NME7: variants seen among roughly 807,000 people sequenced by gnomAD.
NME7 encodes the protein nucleoside diphosphate kinase 7.
A neutral mutation model predicts 49.1 loss-of-function variants in NME7; 41 were observed. The observed-to-expected ratio is 0.83, with a 90% confidence interval of 0.65 to 1.08. The LOEUF (loss-of-function observed/expected upper bound fraction) is 1.08, where lower values mean the gene tolerates loss of function less well. Ranked by LOEUF, NME7 falls within the 50% of genes least tolerant of loss-of-function variation. The pLI, the probability that NME7 is intolerant of heterozygous loss-of-function variation, is 0.00. For missense variants in NME7, 423 were observed against 463.4 expected (o/e 0.91, Z 0.80); for synonymous variants, 139 against 150.6 (o/e 0.92, Z 0.56).
chr1:169,350,847 T>C (rs2101975289), intron 1 of NME7, among the ~76,000 whole-genome samples: 1 of 152,256 alleles, frequency 6.6e-6, no homozygotes, highest in East Asian at 1.9e-4. Flanking sequence ...GCACATCACA[T>C]GTAAATGGGA....
chr1:169,302,463 A>C (rs1650987353), intron 5 of NME7: 1 of 152,212 alleles, frequency 6.6e-6, no homozygotes, highest in South Asian at 2.1e-4. Context: ...AACAACATGA[A>C]TGGAGATGGA....
At chr1:169,304,766 C>T (rs940300865) in intron 4 of NME7, among the ~76,000 whole-genome samples, 2 of 152,176 alleles carry the variant, frequency 1.3e-5, no homozygotes, top group Non-Finnish European at 2.9e-5. Context: ...GAACCCAAAG[C>T]TCTCTGATTG....
chr1:169,216,162 G>A (rs531199170), intron 10 of NME7, among the ~76,000 whole-genome samples: 1 of 152,332 alleles, frequency 6.6e-6, no homozygotes, highest in South Asian at 2.1e-4. Context: ...AATCTTCAAA[G>A]TGATAAGTAC....
chr1:169,246,910 C>T lies in NME7; in HGVS notation c.755-9223G>A, dbSNP rs920842340. On this transcript the variant is annotated intron_variant, in intron 7 of 11. Transcript: ENST00000367811. The stretch of plus-strand genomic sequence containing the variant: ...AACAACACCTTTGTAGATATACCTA[C>T]AATATGGTGACTTTGTGTACTGAAA... The T allele has an allele frequency of 7.2e-6, 3 of 416,550 alleles. No homozygotes were observed. In the Admixed American group the frequency reaches 8.4e-5, roughly 12 times the overall value. 25.8% of individuals were successfully genotyped at this position (416,550 alleles called of 1,614,324 possible).
At chr1:169,281,367 T>C (rs1650005807) in intron 7 of NME7, among the ~76,000 whole-genome samples, 1 of 152,068 alleles carries the variant, frequency 6.6e-6, no homozygotes, top group Non-Finnish European at 1.5e-5. Context: ...GACAATGGGG[T>C]TTTCTAAATA....
Position 169,254,688 on chromosome 1 carries a change from C to G in NME7, c.755-17001G>C, listed in dbSNP as rs1256500563. The stretch of plus-strand genomic sequence containing the variant: ...CAATTTTGGATCTTTCCTGCTTTCT[C>G]TTGTGGCCATTTAGTGCTATAAATT... On this transcript the variant is annotated intron_variant, in intron 7 of 11. Transcript: ENST00000367811. Among the ~76,000 whole-genome samples the G allele has an allele frequency of 7.6e-5, 11 of 145,448 alleles. No individual in the cohort carries two copies. In the East Asian group the frequency reaches 2.8e-3, roughly 37 times the overall value.
At chr1:169,237,509 C>A (rs1647905161) in intron 8 of NME7, 114 bp downstream of exon 8, 4 of 700,872 alleles carry the variant, frequency 5.7e-6, no homozygotes, top group Middle Eastern at 3.9e-4. Context: ...GTAAGTATGT[C>A]TTTTATTTTT....
In NME7 at chr1:169,308,177, C is replaced by T. The variant is rs1651251629; in HGVS notation, c.389+1793G>A. Among the ~76,000 whole-genome samples the T allele has an allele frequency of 2.0e-5, 3 of 152,052 alleles. No homozygotes were observed. In the South Asian group the frequency reaches 6.2e-4, roughly 32 times the overall value. On this transcript the variant is annotated intron_variant, in intron 4 of 11. Coordinates refer to ENST00000367811, the MANE Select transcript of NME7 (RefSeq NM_013330.5). ...CCTGTCTCTCTAGAAAATATGTAAA[C>T]TAGGAGATCATACATAAGGGAAAAA...
chr1:169,245,584 C>T (rs114515064), intron 7 of NME7, among the ~76,000 whole-genome samples: 2,950 of 152,120 alleles, frequency 0.019, 47 homozygotes, highest in South Asian at 0.039. Context: ...CAAGAGTACA[C>T]GAACTAATAA....
intron 7 of NME7, among the ~76,000 whole-genome samples, chr1:169,239,852 G>A (rs1483543018): frequency 6.6e-6 from 1 of 151,954 alleles, no homozygotes; most frequent in African/African-American, 2.4e-5. Flanking sequence ...TCATCTTACT[G>A]AATAATAGAG....
chr1:169,311,416 C>CAAAAAAA (rs34576386), intron 3 of NME7, among the ~76,000 whole-genome samples: 13 of 83,566 alleles, frequency 1.6e-4, no homozygotes, highest in Middle Eastern at 8.1e-3. Context: ...GACTCCATCT[C>CAAAAAAA]AAAAAAAAAA....
intron 10 of NME7, among the ~76,000 whole-genome samples, chr1:169,175,841 A>G (rs138680825): frequency 9.9e-5 from 15 of 152,278 alleles, no homozygotes; most frequent in African/African-American, 3.6e-4. Flanking sequence ...TAGTAACCCT[A>G]AAACAGCTGT....
At chr1:169,354,127 T>C (rs79665254) in intron 1 of NME7, among the ~76,000 whole-genome samples, 2,958 of 151,992 alleles carry the variant, frequency 0.019, 47 homozygotes, top group South Asian at 0.039. Context: ...TTGACAACAG[T>C]CAAAATTTGG....
chr1:169,132,629 T>TAACA lies in NME7; in HGVS notation c.*152_*155dup, dbSNP rs1470617754. 6 of 629,014 alleles carry TAACA rather than the reference T, an allele frequency of 9.5e-6. No individual in the cohort carries two copies. Among genetic ancestry groups the TAACA allele is most frequent in the African/African-American group, 1.9e-5 (1 of 53,198 alleles). The allele number at this position is 629,014 out of a possible 1,614,324, so 39.0% of individuals were successfully genotyped here. A position where few individuals can be genotyped will look rare whatever the true frequency, so the allele number is the denominator to read the frequency against. ...TGTCTACAGTGCAAAATCCATGTTCTAACATATGTAATAATTGCCAGGAGT... is the reference window on the plus strand; with the variant it reads ...TGTCTACAGTGCAAAATCCATGTTCTAACAAACATATGTAATAATTGCCAGGAGT... On this transcript the variant is annotated 3_prime_UTR_variant, in exon 12 of 12. Coordinates refer to ENST00000367811, the MANE Select transcript of NME7 (RefSeq NM_013330.5).
At chr1:169,258,547 A>T (rs1295830628) in intron 7 of NME7, among the ~76,000 whole-genome samples, 1 of 128,442 alleles carries the variant, frequency 7.8e-6, no homozygotes, top group Non-Finnish European at 1.8e-5. Flanking sequence ...GGAAATTCAC[A>T]AATTTAGACA....
chr1:169,336,130 G>A (rs188490539), intron 1 of NME7, among the ~76,000 whole-genome samples: 2 of 151,788 alleles, frequency 1.3e-5, no homozygotes, highest in African/African-American at 4.8e-5. Context: ...AGACCTTTGC[G>A]GTGAGTGTTA....
intron 10 of NME7, among the ~76,000 whole-genome samples, chr1:169,222,647 G>A (rs538431264): frequency 7.0e-4 from 107 of 152,258 alleles, no homozygotes; most frequent in Non-Finnish European, 1.2e-3. Flanking sequence ...GGACTATGGC[G>A]AGGAGAGGAA....
intron 7 of NME7, among the ~76,000 whole-genome samples, chr1:169,238,422 G>C (rs1647948030): frequency 6.7e-6 from 1 of 148,688 alleles, no homozygotes; most frequent in Non-Finnish European, 1.5e-5. Flanking sequence ...AAAAGTCTAA[G>C]TTTCTTTTTT....
chr1:169,249,141 G>C (rs777415603), intron 7 of NME7, among the ~76,000 whole-genome samples: 13 of 152,044 alleles, frequency 8.6e-5, no homozygotes, highest in Non-Finnish European at 1.5e-4. Context: ...CCATTTGTTT[G>C]TGTCATCTAT....
Sources: gnomAD v4.1 joint callset for allele counts (sites outside exome capture counted in the v4.1 genomes callset) on GRCh38, gnomAD v4.1.1 for gene constraint, MANE v1.5 for transcripts, NCBI Gene and HGNC (gene_info 2026-07-23, HGNC 2026-07-21) for gene names.